The following NCOA2 variants were observed in gnomAD, a reference collection of about 807,000 sequenced individuals.
NCOA2 encodes nuclear receptor coactivator 2.
A neutral mutation model predicts 145.1 loss-of-function variants in NCOA2; 21 were observed. The ratio of observed to expected loss-of-function variants is 0.14; its 90% confidence interval spans 0.10 to 0.21. The LOEUF is 0.21. Ranked by LOEUF, NCOA2 falls within the 10% of genes least tolerant of loss-of-function variation. The probability of loss-of-function intolerance (pLI) is 1.00; values close to 1 mark genes in which losing one functional copy is unlikely to be tolerated. For synonymous variants in NCOA2, 619 were observed against 637.5 expected, an observed-to-expected ratio of 0.97 and a Z score of 0.44; for missense variants, 1,472 against 1,837.6, an observed-to-expected ratio of 0.80 and a Z score of 3.64.
chr8:70,307,239 A>AAAAAAG (rs1827967295), intron 1 of NCOA2, among the ~76,000 whole-genome samples: 1 of 151,476 alleles, frequency 6.6e-6, no homozygotes, highest in Non-Finnish European at 1.5e-5. Flanking sequence ...AAAAAAAAAA[A>AAAAAAG]AATAGAAGAA....
At chr8:70,399,927 G>GGTA (rs1405118803) in intron 1 of NCOA2, among the ~76,000 whole-genome samples, 1 of 152,154 alleles carries the variant, frequency 6.6e-6, no homozygotes, top group African/African-American at 2.4e-5. Flanking sequence ...AAACAGCTAC[G>GGTA]GTACTGAATC....
chr8:70,285,352 T>C (rs1181265162), intron 2 of NCOA2, among the ~76,000 whole-genome samples: 1 of 152,238 alleles, frequency 6.6e-6, no homozygotes, highest in African/African-American at 2.4e-5. Context: ...CACCATTAAG[T>C]GCTCACATAC....
At chr8:70,336,902 T>C (rs991211534) in intron 1 of NCOA2, among the ~76,000 whole-genome samples, 1 of 152,034 alleles carries the variant, frequency 6.6e-6, no homozygotes, top group African/African-American at 2.4e-5. Context: ...AATGGTGCTG[T>C]GAACACAGGT....
intron 1 of NCOA2, among the ~76,000 whole-genome samples, chr8:70,316,161 A>G (rs1805569469): frequency 6.6e-6 from 1 of 152,184 alleles, no homozygotes; most frequent in Non-Finnish European, 1.5e-5. Flanking sequence ...CTAGATGAAA[A>G]ATCTGCTCTC....
chr8:70,378,873 T>A (rs930433382), intron 1 of NCOA2, among the ~76,000 whole-genome samples: 3 of 152,062 alleles, frequency 2.0e-5, no homozygotes, highest in African/African-American at 7.2e-5. Flanking sequence ...GGCACTGTTG[T>A]CAGTGCCTCA....
chr8:70,243,566 A>G (rs1396157307), intron 2 of NCOA2, among the ~76,000 whole-genome samples: 4 of 152,074 alleles, frequency 2.6e-5, no homozygotes, highest in African/African-American at 9.7e-5. Flanking sequence ...GGCTCATTCA[A>G]AGGCTTAGAT....
intron 4 of NCOA2, among the ~76,000 whole-genome samples, chr8:70,177,798 A>G (rs1425003751): frequency 6.6e-6 from 1 of 152,200 alleles, no homozygotes; most frequent in Non-Finnish European, 1.5e-5. Context: ...CAGCTGCCCA[A>G]TCACAAAGGC....
chr8:70,237,817 T>A (rs1390463739), intron 2 of NCOA2, among the ~76,000 whole-genome samples: 1 of 151,704 alleles, frequency 6.6e-6, no homozygotes, highest in Non-Finnish European at 1.5e-5. Flanking sequence ...TATTACTACA[T>A]ACTCTTCATA....
chr8:70,193,459 T>A (rs1263801297), intron 4 of NCOA2, among the ~76,000 whole-genome samples: 1 of 152,226 alleles, frequency 6.6e-6, no homozygotes, highest in Non-Finnish European at 1.5e-5. Context: ...ACAAGGTATA[T>A]ACTTCCATAT....
chr8:70,367,171 C>T (rs1226129614), intron 1 of NCOA2, among the ~76,000 whole-genome samples: 1 of 152,144 alleles, frequency 6.6e-6, no homozygotes, highest in Non-Finnish European at 1.5e-5. Context: ...TTACTAGTAG[C>T]CCAGATTTTC....
chr8:70,248,341 T>C (rs1309938627), intron 2 of NCOA2, among the ~76,000 whole-genome samples: 1 of 152,198 alleles, frequency 6.6e-6, no homozygotes, highest in East Asian at 1.9e-4. Flanking sequence ...CTTCCATCAC[T>C]CTGCAAAGTT....
intron 1 of NCOA2, among the ~76,000 whole-genome samples, chr8:70,368,648 TTTC>T (rs983956447): frequency 4.6e-5 from 7 of 152,234 alleles, no homozygotes; most frequent in South Asian, 2.1e-4. Flanking sequence ...TTTCACTGTA[TTTC>T]TTAAGTGTCA....
chr8:70,261,074 C>T (rs894888231), intron 2 of NCOA2, among the ~76,000 whole-genome samples: 4 of 152,194 alleles, frequency 2.6e-5, no homozygotes, highest in African/African-American at 7.2e-5. Flanking sequence ...ACAGGAAATA[C>T]CATTTGACCC....
At chr8:70,226,984 A>C (rs892238118) in intron 2 of NCOA2, among the ~76,000 whole-genome samples, 2 of 152,204 alleles carry the variant, frequency 1.3e-5, no homozygotes, top group East Asian at 3.9e-4. Context: ...GAAGAATTAA[A>C]GGTTCCCTTT....
intron 1 of NCOA2, among the ~76,000 whole-genome samples, chr8:70,371,665 C>CTGTTGT (rs143143280): frequency 6.6e-6 from 1 of 151,984 alleles, no homozygotes; most frequent in Non-Finnish European, 1.5e-5. Flanking sequence ...ATCTACAGTT[C>CTGTTGT]TGTTGTTGTT....
At chr8:70,178,823 G>C (rs1815154857) in intron 4 of NCOA2, among the ~76,000 whole-genome samples, 1 of 152,184 alleles carries the variant, frequency 6.6e-6, no homozygotes, top group South Asian at 2.1e-4. Flanking sequence ...TGTGTGGCTG[G>C]CATCGGGCCA....
rs1375706974 is a variant in NCOA2 at position 70,282,098 on chromosome 8, A to G, written c.-20+14646T>C. On this transcript the variant is annotated intron_variant, in intron 2 of 22. Transcript: ENST00000452400. ...TAAGACCAAATGTCTACTAACCCCA[A>G]CAAATTAGTGTGTACATATATATGC... is the stretch of plus-strand genomic sequence containing the variant. Among the ~76,000 whole-genome samples, 4 of 152,194 alleles carry G rather than the reference A, an allele frequency of 2.6e-5. No homozygotes were observed. In the East Asian group the frequency reaches 5.8e-4, roughly 22 times the overall value.
intron 1 of NCOA2, among the ~76,000 whole-genome samples, chr8:70,389,589 A>AT (rs1450686644): frequency 6.6e-6 from 1 of 151,384 alleles, no homozygotes; most frequent in Non-Finnish European, 1.5e-5. Context: ...CAACGCCAAC[A>AT]TTTTTTTAAA....
chr8:70,286,967 G>T (rs1014397659), intron 2 of NCOA2, among the ~76,000 whole-genome samples: 1 of 152,090 alleles, frequency 6.6e-6, no homozygotes, highest in African/African-American at 2.4e-5. Context: ...TTTTGGCCAG[G>T]TGTGGTGGCT....
Sources: allele counts gnomAD v4.1 joint callset (sites outside exome capture counted in the v4.1 genomes callset), GRCh38; gene constraint gnomAD v4.1.1; transcripts MANE v1.5; gene names NCBI Gene and HGNC (gene_info 2026-07-23, HGNC 2026-07-21).